CBFA2T3: variants seen among roughly 807,000 people sequenced by gnomAD.
CBFA2T3 encodes CBFA2/RUNX1 partner transcriptional co-repressor 3.
In CBFA2T3, 31 loss-of-function variants were observed where a neutral mutation model predicts 58.6. The ratio of observed to expected loss-of-function variants is 0.53; its 90% confidence interval spans 0.40 to 0.71. The LOEUF (loss-of-function observed/expected upper bound fraction) is 0.71. CBFA2T3 is among the 30% of genes least tolerant of loss of function. The pLI is 0.00. For missense variants in CBFA2T3, 1,076 were observed against 963.1 expected (o/e 1.12, Z -1.55); for synonymous variants, 531 against 421.9 (o/e 1.26, Z -3.17).
intron 8 of CBFA2T3, 59 bp downstream of exon 8, chr16:88,882,617 T>C (rs1597660402): frequency 3.8e-6 from 4 of 1,060,348 alleles, no homozygotes; most frequent in Non-Finnish European, 5.6e-6. Flanking sequence ...TGGCTGTGTG[T>C]GTGCGTGGCT....
intron 1 of CBFA2T3, among the ~76,000 whole-genome samples, chr16:88,924,413 G>A (rs1175079610): frequency 1.3e-5 from 2 of 152,142 alleles, no homozygotes; most frequent in Admixed American, 6.5e-5. Flanking sequence ...AGAGGGACCC[G>A]GGGTCCAGGA....
Position 88,877,294 on chromosome 16 carries a change from G to A in CBFA2T3, c.1663-19C>T, listed in dbSNP as rs186708679. The A allele has an allele frequency of 1.3e-3, 2,035 of 1,531,662 alleles. 16 individuals are homozygous for A. The Middle Eastern group carries it at 0.014, about 11-fold the overall frequency. The allele number at this position is 1,531,662 out of a possible 1,614,324, so 94.9% of individuals were successfully genotyped here. A position where few individuals can be genotyped will look rare whatever the true frequency, so the allele number is the denominator to read the frequency against. ...AGCAGCTCTGGGTGGGGGCAGAGGGGCCAGTCAGGGCTGGGTCTGGCCACC... is the reference window on the plus strand; with the variant it reads ...AGCAGCTCTGGGTGGGGGCAGAGGGACCAGTCAGGGCTGGGTCTGGCCACC... On this transcript the variant is annotated intron_variant, in intron 11 of 11. Coordinates refer to ENST00000268679, the MANE Select transcript of CBFA2T3 (RefSeq NM_005187.6).
intron 1 of CBFA2T3, among the ~76,000 whole-genome samples, chr16:88,948,442 C>T (rs1288968069): frequency 2.0e-5 from 3 of 152,208 alleles, no homozygotes; most frequent in East Asian, 3.9e-4. Context: ...GCAGGTTCTG[C>T]CTTGGCCGTC....
At chr16:88,906,055 G>A (rs1417020709) in intron 1 of CBFA2T3, among the ~76,000 whole-genome samples, 3 of 152,020 alleles carry the variant, frequency 2.0e-5, no homozygotes, top group African/African-American at 7.3e-5. Context: ...AGATGAGGCC[G>A]TGCGCAGCAG....
chr16:88,970,097 G>C (rs999836054), intron 1 of CBFA2T3, among the ~76,000 whole-genome samples: 8 of 152,354 alleles, frequency 5.3e-5, no homozygotes, highest in African/African-American at 1.9e-4. Flanking sequence ...AGGCAGGCCT[G>C]GGGGAGGGGT....
intron 1 of CBFA2T3, among the ~76,000 whole-genome samples, chr16:88,968,276 G>C (rs1972563375): frequency 6.6e-6 from 1 of 152,216 alleles, no homozygotes; most frequent in African/African-American, 2.4e-5. Context: ...AGTAGGGAGG[G>C]GCGGGAAGCA....
At chr16:88,911,149 C>T (rs1970518282) in intron 1 of CBFA2T3, among the ~76,000 whole-genome samples, 1 of 152,254 alleles carries the variant, frequency 6.6e-6, no homozygotes, top group Admixed American at 6.5e-5. Context: ...ATGGGCCTGA[C>T]CCAGGGCGGA....
intron 1 of CBFA2T3, among the ~76,000 whole-genome samples, chr16:88,946,840 C>T (rs946167809): frequency 6.6e-6 from 1 of 152,120 alleles, no homozygotes; most frequent in Non-Finnish European, 1.5e-5. Flanking sequence ...GGCTGGAGTG[C>T]AGTAGCGTGA....
At chr16:88,946,550 T>C (rs1971906344) in intron 1 of CBFA2T3, among the ~76,000 whole-genome samples, 1 of 149,922 alleles carries the variant, frequency 6.7e-6, no homozygotes, top group African/African-American at 2.5e-5. Flanking sequence ...TGGCATGATC[T>C]TGGCTCACTG....
chr16:88,907,787 C>T (rs1970388717), intron 1 of CBFA2T3, among the ~76,000 whole-genome samples: 1 of 152,246 alleles, frequency 6.6e-6, no homozygotes, highest in Admixed American at 6.5e-5. Flanking sequence ...CTAATTGTCC[C>T]CTCACCCCAG....
intron 1 of CBFA2T3, among the ~76,000 whole-genome samples, chr16:88,930,554 G>A (rs1007428277): frequency 2.0e-5 from 3 of 151,714 alleles, no homozygotes; most frequent in South Asian, 2.1e-4. Context: ...GGGGAGCCAC[G>A]AAGGCCCCGA....
In CBFA2T3 at chr16:88,963,212, A is replaced by G. The variant is rs190331167; in HGVS notation, c.151+13445T>C. Among the ~76,000 whole-genome samples, 991 of 132,182 alleles carry G rather than the reference A, an allele frequency of 7.5e-3. 13 individuals are homozygous for G. Among genetic ancestry groups the G allele is most frequent in the African/African-American group, 0.027 (938 of 34,562 alleles). The allele number at this position is 132,182 out of a possible 152,430, so 86.7% of individuals were successfully genotyped here. A position where few individuals can be genotyped will look rare whatever the true frequency, so the allele number is the denominator to read the frequency against. On this transcript the variant is annotated intron_variant, in intron 1 of 11. Coordinates refer to ENST00000268679, the MANE Select transcript of CBFA2T3 (RefSeq NM_005187.6). Reference sequence around the variant, plus strand: ...ACAGAGGCTGTAAGGAGTTTCTACCAAAGTCCAGGGACAGTGGGGGAAGGC... The same window carrying G: ...ACAGAGGCTGTAAGGAGTTTCTACCGAAGTCCAGGGACAGTGGGGGAAGGC...
intron 5 of CBFA2T3, among the ~76,000 whole-genome samples, chr16:88,889,627 G>C (rs1969542525): frequency 6.6e-6 from 1 of 152,010 alleles, no homozygotes; most frequent in Non-Finnish European, 1.5e-5. Context: ...ACATGGCAGT[G>C]CCTACACTAC....
intron 9 of CBFA2T3, 35 bp downstream of exon 9, chr16:88,881,232 GGTGTCCGCCCCACCAGAGCACCCC>G (rs1969059503): frequency 5.5e-6 from 8 of 1,463,936 alleles, no homozygotes; most frequent in East Asian, 2.3e-5. Flanking sequence ...ACAGCTCCCA[GGTGTCCGCCCCACCAGAGCACCCC>G]GTGTCTGCTC....
chr16:88,909,698 C>T (rs1363587264), intron 1 of CBFA2T3, among the ~76,000 whole-genome samples: 2 of 152,234 alleles, frequency 1.3e-5, no homozygotes, highest in African/African-American at 2.4e-5. Flanking sequence ...CCCCGAGAGT[C>T]ATCCGTCCAC....
At chr16:88,928,975 G>A (rs1385887846) in intron 1 of CBFA2T3, among the ~76,000 whole-genome samples, 2 of 152,236 alleles carry the variant, frequency 1.3e-5, no homozygotes, top group Non-Finnish European at 2.9e-5. Flanking sequence ...GGTGGTGGAA[G>A]GGAGGGGAGT....
intron 11 of CBFA2T3, among the ~76,000 whole-genome samples, chr16:88,878,717 G>A (rs1968937397): frequency 2.0e-5 from 3 of 152,162 alleles, no homozygotes; most frequent in Non-Finnish European, 2.9e-5. Flanking sequence ...ATGCCGAGGC[G>A]GGTGGATCAC....
At chr16:88,957,354 G>A (rs1462487909) in intron 1 of CBFA2T3, among the ~76,000 whole-genome samples, 1 of 152,256 alleles carries the variant, frequency 6.6e-6, no homozygotes, top group Non-Finnish European at 1.5e-5. Flanking sequence ...TTCAGGGCCA[G>A]TAGCAGACAT....
At chr16:88,959,121 C>A (rs1274478805) in intron 1 of CBFA2T3, among the ~76,000 whole-genome samples, 1 of 152,352 alleles carries the variant, frequency 6.6e-6, no homozygotes, top group African/African-American at 2.4e-5. Flanking sequence ...CAGCGCCCTG[C>A]TGATTGACGC....
Sources: allele counts gnomAD v4.1 joint callset (sites outside exome capture counted in the v4.1 genomes callset), GRCh38; gene constraint gnomAD v4.1.1; transcripts MANE v1.5; gene names NCBI Gene and HGNC (gene_info 2026-07-23, HGNC 2026-07-21).